COG4: variants seen among roughly 807,000 people sequenced by gnomAD.
The protein encoded by COG4 is conserved oligomeric Golgi complex subunit 4.
A neutral mutation model predicts 95.1 loss-of-function variants in COG4; 65 were observed. The observed-to-expected ratio is 0.68, with a 90% confidence interval of 0.56 to 0.84. The LOEUF is 0.84. COG4 is among the 40% of genes least tolerant of loss of function. COG4 has a pLI of 0.00. For missense variants in COG4, 1,045 were observed against 989.1 expected (o/e 1.06, Z -0.76); for synonymous variants, 421 against 374.8 (o/e 1.12, Z -1.42).
chr16:70,480,915 C>T lies in COG4; in HGVS notation c.*95G>A. ...TAGAAAGGTCTGGGCTGTCAGATCT[C>T]CCCCAAGCCAGACAGCCTCGCTCAG... is the stretch of plus-strand genomic sequence containing the variant. On this transcript the variant is annotated 3_prime_UTR_variant, in exon 19 of 19. Coordinates refer to ENST00000323786, the MANE Select transcript of COG4 (RefSeq NM_015386.3). 8 of 1,462,328 alleles carry T rather than the reference C, an allele frequency of 5.5e-6. No individual in the cohort carries two copies. Among genetic ancestry groups the T allele is most frequent in the Non-Finnish European group, 7.6e-6 (8 of 1,055,724 alleles). The allele number at this position is 1,462,328 out of a possible 1,614,324, so 90.6% of individuals were successfully genotyped here. A position where few individuals can be genotyped will look rare whatever the true frequency, so the allele number is the denominator to read the frequency against.
At chr16:70,511,770 T>A (rs2049712025) in intron 5 of COG4, among the ~76,000 whole-genome samples, 1 of 151,550 alleles carries the variant, frequency 6.6e-6, no homozygotes, top group South Asian at 2.1e-4. Flanking sequence ...CAGTCTCTAC[T>A]AAAAATACAA....
intron 13 of COG4, among the ~76,000 whole-genome samples, chr16:70,485,897 CTTT>C (rs5817701): frequency 1.4e-5 from 2 of 143,184 alleles, no homozygotes; most frequent in East Asian, 2.1e-4. Flanking sequence ...GAATGCCTGT[CTTT>C]TTTTTTTTCT....
intron 8 of COG4, among the ~76,000 whole-genome samples, chr16:70,504,984 A>AT (rs903553887): frequency 2.6e-5 from 4 of 152,040 alleles, no homozygotes; most frequent in African/African-American, 9.6e-5. Context: ...ATGATTTAAT[A>AT]TTTGTTAAGT....
At chr16:70,515,956 A>G (rs2049813678) in intron 3 of COG4, 2 of 455,580 alleles carry the variant, frequency 4.4e-6, no homozygotes, top group Admixed American at 4.7e-5. Context: ...GGCATGAGCC[A>G]CCACACCTGG....
chr16:70,492,333 T>C (rs7202133), intron 12 of COG4, among the ~76,000 whole-genome samples: 13,458 of 152,152 alleles, frequency 0.088, 1,921 homozygotes, highest in African/African-American at 0.3. Flanking sequence ...CACGACTGTC[T>C]TACAGACTAG....
chr16:70,491,023 G>C (rs772402850), intron 12 of COG4, among the ~76,000 whole-genome samples: 23 of 152,124 alleles, frequency 1.5e-4, no homozygotes, highest in Non-Finnish European at 2.5e-4. Context: ...TACAGGTCCA[G>C]GATAAGTTCT....
rs560146003 is a variant in COG4, at chr16:70,481,707, A to C, written c.2106+57T>G. 3 of 1,487,908 alleles carry C rather than the reference A, an allele frequency of 2.0e-6. No individual in the cohort carries two copies. The African/African-American group carries it at 4.1e-5, about 21-fold the overall frequency. The allele number at this position is 1,487,908 out of a possible 1,614,324, so 92.2% of individuals were successfully genotyped here. A position where few individuals can be genotyped will look rare whatever the true frequency, so the allele number is the denominator to read the frequency against. On this transcript the variant is annotated intron_variant, in intron 17 of 18. Coordinates refer to ENST00000323786, the MANE Select transcript of COG4 (RefSeq NM_015386.3). ...TGCAAGTCCTGGGGGTGGTGGCATG[A>C]CATGTCTTCCTCAGAGGAGAAACGA...
At chr16:70,513,361 C>T (rs1203354052) in intron 4 of COG4, among the ~76,000 whole-genome samples, 1 of 152,122 alleles carries the variant, frequency 6.6e-6, no homozygotes, top group African/African-American at 2.4e-5. Context: ...ACCCGCTGGC[C>T]AGAGAATCAG....
intron 3 of COG4, among the ~76,000 whole-genome samples, chr16:70,515,589 C>T (rs541063325): frequency 2.6e-5 from 4 of 152,110 alleles, no homozygotes; most frequent in Non-Finnish European, 5.9e-5. Context: ...GAGGCTGAGA[C>T]AGGAGAATTG....
At chr16:70,498,568 G>A (rs926956226) in intron 9 of COG4, among the ~76,000 whole-genome samples, 7 of 151,610 alleles carry the variant, frequency 4.6e-5, no homozygotes, top group African/African-American at 1.5e-4. Context: ...TAGGTGATCC[G>A]CCTGCCTCAG....
At chr16:70,490,076 C>T (rs772300078) in intron 13 of COG4, among the ~76,000 whole-genome samples, 39 of 152,106 alleles carry the variant, frequency 2.6e-4, no homozygotes, top group African/African-American at 8.2e-4. Context: ...CCTTGGCCTC[C>T]GAAAGTGCTG....
chr16:70,482,382 A>G, intron 15 of COG4: 1 of 641,452 alleles, frequency 1.6e-6, no homozygotes, highest in Non-Finnish European at 2.8e-6. Flanking sequence ...GGCCCACATA[A>G]CATGGTAAAG....
chr16:70,502,150 C>T (rs1367307441), intron 8 of COG4, among the ~76,000 whole-genome samples: 2 of 151,452 alleles, frequency 1.3e-5, no homozygotes, highest in African/African-American at 2.4e-5. Flanking sequence ...GGTGTGGTGG[C>T]GCATGCCTGT....
chr16:70,506,781 C>A (rs999290578), intron 8 of COG4, among the ~76,000 whole-genome samples: 2 of 147,896 alleles, frequency 1.4e-5, no homozygotes, highest in Non-Finnish European at 2.9e-5. Context: ...GAAACAGAGA[C>A]CCTGTTTCTA....
At chr16:70,495,607 C>G (rs143763261) in intron 12 of COG4, among the ~76,000 whole-genome samples, 3 of 152,074 alleles carry the variant, frequency 2.0e-5, no homozygotes, top group Non-Finnish European at 2.9e-5. Flanking sequence ...TACTCCCATG[C>G]GTGCTAAGAC....
At chr16:70,491,820 G>A (rs1230639919) in intron 12 of COG4, among the ~76,000 whole-genome samples, 1 of 95,436 alleles carries the variant, frequency 1.0e-5, no homozygotes, top group Non-Finnish European at 1.9e-5. Flanking sequence ...ACAAAACTAC[G>A]TCTCAAAAAA....
chr16:70,500,365 C>CTTTTTTTTTTTT (rs68141616), intron 9 of COG4, among the ~76,000 whole-genome samples: 4 of 96,154 alleles, frequency 4.2e-5, no homozygotes, highest in African/African-American at 1.5e-4. Flanking sequence ...ATTATATACT[C>CTTTTTTTTTTTT]TTTTTTTTTT....
chr16:70,490,486 C>A, intron 12 of COG4, 94 bp from the exon 13 acceptor site: 1 of 1,015,376 alleles, frequency 9.8e-7, no homozygotes, highest in South Asian at 1.3e-5. Context: ...CTCCATGAAG[C>A]TCAGAGAAGG....
Position 70,481,062 on chromosome 16 carries a change from A to T in COG4, c.2318T>A (p.Leu773Gln). The T allele has an allele frequency of 6.2e-7, 1 of 1,613,346 alleles. No individual in the cohort carries two copies. Among genetic ancestry groups the T allele is most frequent in the African/African-American group, 1.3e-5 (1 of 75,050 alleles). The change falls in exon 19 of 19, where the codon CTG becomes CAG. Residue 773 changes from leucine (L) to glutamine (Q), a missense_variant. Leu to Gln is a moderately radical substitution (Grantham distance 113). Transcript: ENST00000323786. The part of the protein sequence containing the change: ...RLTPAEVRQV[L>Q]ALRIDFRSED... ...ACTGCGGAAGTCTATCCGCAGGGCC[A>T]GCACCTGGCGCACTTCAGCAGGGGT... is the stretch of plus-strand genomic sequence containing the variant.
Sources: gnomAD v4.1 joint callset for allele counts (sites outside exome capture counted in the v4.1 genomes callset) on GRCh38, gnomAD v4.1.1 for gene constraint, MANE v1.5 for transcripts, NCBI Gene and HGNC (gene_info 2026-07-23, HGNC 2026-07-21) for gene names.